TSPAN15: variants seen among roughly 807,000 people sequenced by gnomAD.
TSPAN15 encodes the protein tetraspanin-15.
In TSPAN15, 20 loss-of-function variants were observed where a neutral mutation model predicts 34.5. The ratio of observed to expected loss-of-function variants is 0.58; its 90% CI spans 0.41 to 0.84. The LOEUF is 0.84. Ranked by LOEUF, TSPAN15 falls within the 40% of genes least tolerant of loss-of-function variation. The pLI is 0.00. For synonymous variants in TSPAN15, 155 were observed against 153.9 expected, an observed-to-expected ratio of 1.01 and a Z score of -0.05; for missense variants, 313 against 386.1, an observed-to-expected ratio of 0.81 and a Z score of 1.59.
chr10:69,460,007 G>A (rs1349270262), intron 1 of TSPAN15, among the ~76,000 whole-genome samples: 2 of 143,984 alleles, frequency 1.4e-5, no homozygotes, highest in African/African-American at 5.2e-5. Context: ...ATTGCTCAGG[G>A]GTAGTTGGGG....
At chr10:69,539,488 A>G in the TSPAN15 span, among the ~76,000 whole-genome samples, 6,564 of 66,268 alleles carry the variant, frequency 0.099, 396 homozygotes, top group East Asian at 0.16. Flanking sequence ...GAAGGAGAAG[A>G]AGAAGAAGAA....
At chr10:69,518,421 C>T in the TSPAN15 span, among the ~76,000 whole-genome samples, 1 of 149,158 alleles carries the variant, frequency 6.7e-6, no homozygotes, top group African/African-American at 2.4e-5. Flanking sequence ...GAAGTAAACT[C>T]TTGATTTTTT....
chr10:69,487,254 G>A (rs1346336218), intron 3 of TSPAN15, among the ~76,000 whole-genome samples: 2 of 152,208 alleles, frequency 1.3e-5, no homozygotes, highest in African/African-American at 4.8e-5. Context: ...TCATACAGGG[G>A]CAAGTGGCCA....
intron 1 of TSPAN15, among the ~76,000 whole-genome samples, chr10:69,466,106 C>T (rs560409717): frequency 6.6e-6 from 1 of 152,342 alleles, no homozygotes; most frequent in Admixed American, 6.5e-5. Context: ...TCTGGAGCTG[C>T]AGGAAGGCAG....
At chr10:69,547,546 A>G in the TSPAN15 span, among the ~76,000 whole-genome samples, 151 of 152,322 alleles carry the variant, frequency 9.9e-4, no homozygotes, top group Middle Eastern at 0.01. Flanking sequence ...TTTCCCACAT[A>G]TCAGTGCATC....
rs1009051364 is a variant in TSPAN15, at chr10:69,483,954, C to T, written c.282+78C>T. ...CCTGCCCCTGTGCCCTTGGGCAGCT[C>T]AGTTTCTTTTGTCCCTGCCTCAAAC... On this transcript the variant is annotated intron_variant, in intron 2 of 7. Coordinates refer to ENST00000373290, the MANE Select transcript of TSPAN15 (RefSeq NM_012339.5). 26 of 1,485,998 alleles carry T rather than the reference C, an allele frequency of 1.7e-5. No homozygotes were observed. In the South Asian group the frequency reaches 3.0e-4, roughly 17 times the overall value. 92.1% of individuals were successfully genotyped at this position (1,485,998 alleles called of 1,614,324 possible). A position where few individuals can be genotyped will look rare whatever the true frequency, so the allele number is the denominator to read the frequency against.
the TSPAN15 span, among the ~76,000 whole-genome samples, chr10:69,548,432 A>C: frequency 6.6e-6 from 1 of 152,236 alleles, no homozygotes; most frequent in Non-Finnish European, 1.5e-5. Flanking sequence ...CAGACTTACC[A>C]TTCTCCTGTA....
chr10:69,467,870 G>A (rs763026171), intron 1 of TSPAN15, among the ~76,000 whole-genome samples: 1 of 135,278 alleles, frequency 7.4e-6, no homozygotes, highest in Non-Finnish European at 1.7e-5. Context: ...TATACATTGC[G>A]TTGGGTTTCT....
At chr10:69,534,489 A>G in the TSPAN15 span, among the ~76,000 whole-genome samples, 1 of 152,222 alleles carries the variant, frequency 6.6e-6, no homozygotes, top group Non-Finnish European at 1.5e-5. Flanking sequence ...CTTATCAAAA[A>G]TATTTTAAAA....
intron 4 of TSPAN15, among the ~76,000 whole-genome samples, chr10:69,497,428 T>G (rs1254992754): frequency 2.6e-5 from 4 of 152,196 alleles, no homozygotes; most frequent in Admixed American, 2.6e-4. Context: ...AAATACAAGC[T>G]TGTTTCTGCG....
intron 1 of TSPAN15, among the ~76,000 whole-genome samples, chr10:69,477,858 C>T (rs988881318): frequency 2.0e-5 from 3 of 152,086 alleles, no homozygotes; most frequent in Non-Finnish European, 2.9e-5. Context: ...GTCTGTAAAA[C>T]GAGATTAGTT....
At chr10:69,461,229 G>T (rs1043012208) in intron 1 of TSPAN15, among the ~76,000 whole-genome samples, 3 of 152,242 alleles carry the variant, frequency 2.0e-5, no homozygotes, top group Non-Finnish European at 2.9e-5. Flanking sequence ...GAAGTAACTT[G>T]TGTGAGAACC....
At chr10:69,464,127 G>T (rs1022109810) in intron 1 of TSPAN15, among the ~76,000 whole-genome samples, 1 of 152,232 alleles carries the variant, frequency 6.6e-6, no homozygotes, top group Admixed American at 6.5e-5. Flanking sequence ...GAGGCAAGAG[G>T]GCTTCTCCCC....
At chr10:69,489,525 T>A (rs1408344992) in intron 3 of TSPAN15, among the ~76,000 whole-genome samples, 1 of 152,254 alleles carries the variant, frequency 6.6e-6, no homozygotes, top group Non-Finnish European at 1.5e-5. Flanking sequence ...ACAATTTATG[T>A]TCCTCTGCTG....
intron 1 of TSPAN15, among the ~76,000 whole-genome samples, chr10:69,476,205 T>C (rs1429726529): frequency 2.0e-5 from 3 of 151,658 alleles, no homozygotes; most frequent in Admixed American, 6.6e-5. Flanking sequence ...GCCTACCAGA[T>C]GGCAAGATGT....
intron 1 of TSPAN15, among the ~76,000 whole-genome samples, chr10:69,469,165 T>C (rs1485574081): frequency 6.6e-6 from 1 of 151,308 alleles, no homozygotes; most frequent in Non-Finnish European, 1.5e-5. Flanking sequence ...TCTTGAACAA[T>C]GAGATTTGAT....
intron 1 of TSPAN15, among the ~76,000 whole-genome samples, chr10:69,459,993 T>G (rs1306206899): frequency 6.7e-6 from 1 of 150,062 alleles, no homozygotes; most frequent in Non-Finnish European, 1.5e-5. Flanking sequence ...CCTGGGAGCC[T>G]TGCATTGCTC....
chr10:69,465,256 C>T (rs557975621), intron 1 of TSPAN15, among the ~76,000 whole-genome samples: 2 of 152,314 alleles, frequency 1.3e-5, no homozygotes, highest in Non-Finnish European at 2.9e-5. Context: ...TTTCCAACCA[C>T]TAGGTGGGTA....
chr10:69,496,320 C>CAATAATAATAATAATAATAAT (rs3028371), intron 4 of TSPAN15, among the ~76,000 whole-genome samples: 1 of 132,504 alleles, frequency 7.5e-6, no homozygotes, highest in Non-Finnish European at 1.6e-5. Context: ...TCTGTTGGTG[C>CAATAATAATAATAATAATAAT]AATAATAATA....
Sources: allele counts gnomAD v4.1 joint callset (sites outside exome capture counted in the v4.1 genomes callset), GRCh38; gene constraint gnomAD v4.1.1; transcripts MANE v1.5; gene names NCBI Gene and HGNC (gene_info 2026-07-23, HGNC 2026-07-21).